The following RHOBTB1 variants were observed in gnomAD, a reference collection of about 807,000 sequenced individuals.
RHOBTB1 encodes the protein rho-related BTB domain-containing protein 1.
In RHOBTB1, 40 loss-of-function variants were observed where a neutral mutation model predicts 71.6. The observed-to-expected ratio is 0.56, with a 90% CI of 0.43 to 0.73. RHOBTB1 has a LOEUF of 0.73. Ranked by LOEUF, RHOBTB1 falls within the 30% of genes least tolerant of loss-of-function variation. The pLI, the probability that RHOBTB1 is intolerant of heterozygous loss-of-function variation, is 0.00. For missense variants in RHOBTB1, 797 were observed against 894.0 expected (o/e 0.89, Z 1.38); for synonymous variants, 319 against 334.9 (o/e 0.95, Z 0.52).
chr10:60,951,634 C>T (rs2085410343), intron 2 of RHOBTB1, among the ~76,000 whole-genome samples: 1 of 152,202 alleles, frequency 6.6e-6, no homozygotes, highest in Non-Finnish European at 1.5e-5. Context: ...AGGCTCACAT[C>T]CTGTCACGGT....
At chr10:60,904,361 T>A (rs1397310097) in intron 4 of RHOBTB1, among the ~76,000 whole-genome samples, 1 of 152,258 alleles carries the variant, frequency 6.6e-6, no homozygotes, top group Non-Finnish European at 1.5e-5. Context: ...ACCATCATCA[T>A]GATCAAAATG....
chr10:60,875,984 G>T (rs1481839969), intron 8 of RHOBTB1, among the ~76,000 whole-genome samples: 1 of 152,212 alleles, frequency 6.6e-6, no homozygotes, highest in African/African-American at 2.4e-5. Flanking sequence ...TCCAAATCAT[G>T]CTTACTTTCT....
At chr10:60,891,244 G>A (rs1270765208) in intron 5 of RHOBTB1, among the ~76,000 whole-genome samples, 2 of 151,504 alleles carry the variant, frequency 1.3e-5, no homozygotes. Flanking sequence ...ATTGCTTGGA[G>A]AGCATAAAAA....
At chr10:60,866,046 G>A (rs578183154), downstream of RHOBTB1, among the ~76,000 whole-genome samples, 6 of 152,246 alleles carry the variant, frequency 3.9e-5, no homozygotes, top group South Asian at 1.2e-3. Flanking sequence ...TGGCCAGGCT[G>A]GTCTCAAACT....
At chr10:60,952,084 G>A (rs189698407) in intron 2 of RHOBTB1, among the ~76,000 whole-genome samples, 211 of 141,758 alleles carry the variant, frequency 1.5e-3, no homozygotes, top group African/African-American at 5.1e-3. Context: ...AAAAAAGAAC[G>A]GTACATGATA....
intron 2 of RHOBTB1, among the ~76,000 whole-genome samples, chr10:60,984,413 TA>T (rs2086597107): frequency 6.6e-6 from 1 of 152,224 alleles, no homozygotes. Context: ...AATGTTCCTT[TA>T]AAAATGAAAG....
In RHOBTB1 at chr10:60,928,797, C is replaced by T. The variant is rs568514717; in HGVS notation, c.-11+13007G>A. Among the ~76,000 whole-genome samples the T allele has an allele frequency of 4.0e-5, 6 of 151,706 alleles. No homozygotes were observed. The East Asian group carries it at 1.2e-3, about 29-fold the overall frequency. ...GAGTGAAATTGGAATGTTTCTAACA[C>T]AAAAAAATGATAAATGCTTGAGGTT... On this transcript the variant is annotated intron_variant, in intron 2 of 10. Coordinates refer to ENST00000337910, the MANE Select transcript of RHOBTB1 (RefSeq NM_014836.5).
chr10:60,986,424 TATATATAA>T (rs1258326145), intron 1 of RHOBTB1, among the ~76,000 whole-genome samples: 1 of 144,748 alleles, frequency 6.9e-6, no homozygotes, highest in African/African-American at 2.5e-5. Context: ...TATATATATA[TATATATAA>T]AATATATATA....
intron 4 of RHOBTB1, 46 bp downstream of exon 4, chr10:60,910,841 G>C (rs1434451828): frequency 2.1e-6 from 3 of 1,427,216 alleles, no homozygotes; most frequent in Non-Finnish European, 3.0e-6. Flanking sequence ...GTTTTGAAAA[G>C]GAAATTGCAT....
intron 2 of RHOBTB1, among the ~76,000 whole-genome samples, chr10:60,959,370 A>G (rs2085704469): frequency 6.6e-6 from 1 of 152,170 alleles, no homozygotes; most frequent in Non-Finnish European, 1.5e-5. Context: ...TAACTCCACC[A>G]TTTGAGGAAC....
intron 4 of RHOBTB1, among the ~76,000 whole-genome samples, chr10:60,909,409 T>A (rs1388862469): frequency 6.6e-6 from 1 of 152,194 alleles, no homozygotes; most frequent in Non-Finnish European, 1.5e-5. Flanking sequence ...AGTCTCTAGA[T>A]TCTAAACCCA....
chr10:60,894,108 A>G (rs1040881929), intron 4 of RHOBTB1, among the ~76,000 whole-genome samples: 1 of 152,216 alleles, frequency 6.6e-6, no homozygotes, highest in Non-Finnish European at 1.5e-5. Context: ...TTCCTTTTAA[A>G]TCATTAATGA....
At chr10:60,965,528 A>G (rs1204230299) in intron 2 of RHOBTB1, among the ~76,000 whole-genome samples, 1 of 152,094 alleles carries the variant, frequency 6.6e-6, no homozygotes, top group Non-Finnish European at 1.5e-5. Flanking sequence ...TAGGTGTTCA[A>G]TACATATTTG....
At chr10:60,891,781 A>G (rs974285303) in intron 5 of RHOBTB1, among the ~76,000 whole-genome samples, 2 of 152,118 alleles carry the variant, frequency 1.3e-5, no homozygotes, top group African/African-American at 4.8e-5. Context: ...AAAGAAACGT[A>G]TTTCCCTCCA....
chr10:60,981,800 G>A (rs915841811), intron 2 of RHOBTB1, among the ~76,000 whole-genome samples: 3 of 151,550 alleles, frequency 2.0e-5, no homozygotes, highest in Non-Finnish European at 4.4e-5. Flanking sequence ...ACGGAGTTTC[G>A]CTTTTGTTGC....
At chr10:60,996,600 T>C (rs1465814696) in intron 1 of RHOBTB1, among the ~76,000 whole-genome samples, 2 of 152,058 alleles carry the variant, frequency 1.3e-5, no homozygotes, top group African/African-American at 4.8e-5. Context: ...GCGAGGGCTG[T>C]TGGAATGTGC....
intron 2 of RHOBTB1, among the ~76,000 whole-genome samples, chr10:60,930,010 G>A (rs2084141965): frequency 6.6e-6 from 1 of 152,162 alleles, no homozygotes; most frequent in Non-Finnish European, 1.5e-5. Flanking sequence ...AAATTCTCTG[G>A]CTGCAAAGAA....
At chr10:60,994,579 C>T (rs1263190518) in intron 1 of RHOBTB1, among the ~76,000 whole-genome samples, 1 of 151,974 alleles carries the variant, frequency 6.6e-6, no homozygotes, top group Admixed American at 6.6e-5. Context: ...TTTCCCTTCT[C>T]TTTTTTTAAA....
upstream of RHOBTB1, among the ~76,000 whole-genome samples, chr10:60,945,944 C>T (rs375779508): frequency 1.2e-4 from 19 of 152,282 alleles, 1 homozygote; most frequent in East Asian, 3.1e-3. Flanking sequence ...CTTTGGGAGG[C>T]CGAGGCGCGC....
Sources: gnomAD v4.1 joint callset for allele counts (sites outside exome capture counted in the v4.1 genomes callset) on GRCh38, gnomAD v4.1.1 for gene constraint, MANE v1.5 for transcripts, NCBI Gene and HGNC (gene_info 2026-07-23, HGNC 2026-07-21) for gene names.